Variants in NOMO2 observed in about 807,000 individuals in gnomAD.
The protein encoded by NOMO2 is NODAL modulator 2.
Under a neutral mutation model 67.1 loss-of-function variants are expected in NOMO2, and 14 were observed. The observed-to-expected ratio is 0.21, with a 90% CI of 0.14 to 0.33. NOMO2 has a LOEUF of 0.33. NOMO2 is among the 10% of genes least tolerant of loss of function. The pLI, the probability that NOMO2 is intolerant of heterozygous loss-of-function variation, is 1.00. For synonymous variants in NOMO2, 80 were observed against 305.9 expected (o/e 0.26, Z 7.71); for missense variants, 178 against 761.0 (o/e 0.23, Z 9.01).
At chr16:18,545,125 T>A (rs1195665405) in intron 6 of NOMO2, among the ~76,000 whole-genome samples, 1 of 145,188 alleles carries the variant, frequency 6.9e-6, no homozygotes, top group Non-Finnish European at 1.5e-5. Context: ...AGATGGAGTC[T>A]CACTCTGTCA....
intron 9 of NOMO2, among the ~76,000 whole-genome samples, chr16:18,539,947 T>G (rs1901511690): frequency 6.6e-6 from 1 of 151,790 alleles, no homozygotes; most frequent in South Asian, 2.1e-4. Flanking sequence ...TGCTAACCCA[T>G]TTTAGTATCT....
At chr16:18,557,830 C>T (rs1280938469) in intron 1 of NOMO2, 39 bp from the exon 2 acceptor site, 3 of 1,547,844 alleles carry the variant, frequency 1.9e-6, no homozygotes, top group South Asian at 1.2e-5. Flanking sequence ...CATAACATTG[C>T]CTTTGGGAAT....
chr16:18,531,680 A>C, intron 12 of NOMO2, 73 bp from the exon 13 acceptor site: 1 of 1,600,516 alleles, frequency 6.2e-7, no homozygotes, highest in South Asian at 1.1e-5. Context: ...GGGCGCTAGA[A>C]CATTCATCTG....
intron 15 of NOMO2, among the ~76,000 whole-genome samples, chr16:18,529,057 T>G (rs1901230569): frequency 9.4e-6 from 1 of 106,924 alleles, no homozygotes; most frequent in Admixed American, 1.1e-4. Flanking sequence ...GAAACTCACT[T>G]GGCAGTACAG....
chr16:18,532,864 A>G, intron 12 of NOMO2, 141 bp downstream of exon 12: 1 of 1,209,158 alleles, frequency 8.3e-7, no homozygotes, highest in Non-Finnish European at 1.1e-6. Context: ...ACTCTCCTCT[A>G]CTGGTGCAGG....
rs1555467950 is a variant in NOMO2 at position 18,561,193 on chromosome 16, A to AC, written c.165+682_165+683insG. On this transcript the variant is annotated intron_variant, in intron 1 of 30. Coordinates refer to ENST00000622306, the MANE Select transcript of NOMO2 (RefSeq NM_173614.4). ...TTAATTAAAAAAAAAAAAAAAAAAA[A>AC]AAAAAAAAAAAAAACCTTTACAAAT... 9.0e-4 allele frequency among the ~76,000 whole-genome samples: 130 copies of AC among 143,950 alleles called. 2 individuals carry two copies. Among genetic ancestry groups the AC allele is most frequent in the Non-Finnish European group, 1.3e-3 (88 of 65,996 alleles). 94.4% of individuals were successfully genotyped at this position (143,950 alleles called of 152,430 possible). A position where few individuals can be genotyped will look rare whatever the true frequency, so the allele number is the denominator to read the frequency against.
intron 11 of NOMO2, among the ~76,000 whole-genome samples, chr16:18,535,918 T>C (rs1285832267): frequency 6.6e-6 from 1 of 151,932 alleles, no homozygotes; most frequent in Admixed American, 6.6e-5. Flanking sequence ...TGCCTCAGCC[T>C]CCTGAGTTGC....
At chr16:18,539,837 T>C (rs1901508825) in intron 9 of NOMO2, among the ~76,000 whole-genome samples, 1 of 152,092 alleles carries the variant, frequency 6.6e-6, no homozygotes, top group South Asian at 2.1e-4. Flanking sequence ...TCTGTGTCTG[T>C]GTCTGTGTCT....
chr16:18,553,534 G>A (rs8059465), intron 3 of NOMO2, among the ~76,000 whole-genome samples: 6,319 of 151,254 alleles, frequency 0.042, 233 homozygotes, highest in African/African-American at 0.15. Context: ...GATGGCTAAT[G>A]AGCACCCAGG....
chr16:18,531,498 A>G lies in NOMO2; in HGVS notation c.1505T>C (p.Leu502Ser), dbSNP rs756718227. The G allele has an allele frequency of 6.2e-7, 1 of 1,610,040 alleles. No individual in the cohort carries two copies. The change falls in exon 13 of 31, where the codon TTG becomes TCG. Residue 502 changes from leucine (L) to serine (S), a missense_variant. Coordinates refer to ENST00000622306, the MANE Select transcript of NOMO2 (RefSeq NM_173614.4). Reference protein sequence around the residue: ...PVMDVAFVQFLASVSGKVSCL... With the variant: ...PVMDVAFVQFSASVSGKVSCL... ...AGAGACTTTCCCAGAAACTGATGCC[A>G]AGAACTGTACAAAGGCCACATCCAT...
rs571245758 is a variant in NOMO2, at chr16:18,537,215, C to G, written c.1220+1311G>C. On this transcript the variant is annotated intron_variant, in intron 11 of 30. Coordinates refer to ENST00000622306, the MANE Select transcript of NOMO2 (RefSeq NM_173614.4). ...CAGACCAATGTGGCCAAATCTGAAC[C>G]CTCATCACCTAACTGGCTTCTCTTT... Among the ~76,000 whole-genome samples, 6 of 152,176 alleles carry G rather than the reference C, an allele frequency of 3.9e-5. No homozygotes were observed. The South Asian group carries it at 1.2e-3, about 32-fold the overall frequency.
chr16:18,536,775 CAA>C (rs1231714991), intron 11 of NOMO2, among the ~76,000 whole-genome samples: 2 of 152,200 alleles, frequency 1.3e-5, no homozygotes, highest in African/African-American at 4.8e-5. Flanking sequence ...AGTAATTGCA[CAA>C]AGTGTTTATG....
At chr16:18,550,682 C>T (rs1380531019) in intron 4 of NOMO2, among the ~76,000 whole-genome samples, 2 of 151,968 alleles carry the variant, frequency 1.3e-5, no homozygotes, top group Non-Finnish European at 2.9e-5. Context: ...ACCACCGTGG[C>T]GGTCCAAAAA....
chr16:18,526,726 G>T (rs1187382315), intron 16 of NOMO2, among the ~76,000 whole-genome samples: 1 of 151,916 alleles, frequency 6.6e-6, no homozygotes, highest in Admixed American at 6.6e-5. Context: ...TAGATCAGTG[G>T]CTGGCCATGG....
At chr16:18,559,822 T>TA (rs1233920045) in intron 1 of NOMO2, among the ~76,000 whole-genome samples, 9 of 151,814 alleles carry the variant, frequency 5.9e-5, no homozygotes, top group Admixed American at 5.9e-4. Flanking sequence ...ACCCAGTTTT[T>TA]AATGTGAAAC....
intron 16 of NOMO2, among the ~76,000 whole-genome samples, chr16:18,526,472 C>T (rs532890166): frequency 1.9e-3 from 281 of 151,802 alleles, no homozygotes; most frequent in African/African-American, 6.4e-3. Flanking sequence ...CAAGAATGTC[C>T]GTAACATTAG....
At chr16:18,550,868 G>T (rs1262273071) in intron 4 of NOMO2, among the ~76,000 whole-genome samples, 1 of 151,834 alleles carries the variant, frequency 6.6e-6, no homozygotes, top group African/African-American at 2.4e-5. Context: ...TGACATAAAC[G>T]CTAACAGCGG....
intron 3 of NOMO2, among the ~76,000 whole-genome samples, chr16:18,553,718 C>T (rs1446903390): frequency 1.8e-5 from 2 of 108,932 alleles, no homozygotes; most frequent in Non-Finnish European, 4.0e-5. Context: ...AAACACAACA[C>T]TCCTCCAGGC....
At chr16:18,533,325 T>C in intron 11 of NOMO2, 146 bp from the exon 12 acceptor site, 1 of 832,208 alleles carries the variant, frequency 1.2e-6, no homozygotes, top group Non-Finnish European at 1.9e-6. Flanking sequence ...GCAGTCCAGA[T>C]GATTCTGGTT....
Sources: allele counts gnomAD v4.1 joint callset (sites outside exome capture counted in the v4.1 genomes callset), GRCh38; gene constraint gnomAD v4.1.1; transcripts MANE v1.5; gene names NCBI Gene and HGNC (gene_info 2026-07-23, HGNC 2026-07-21).